The following RCAN2 variants were observed in gnomAD, a reference collection of about 807,000 sequenced individuals.
The protein encoded by RCAN2 is calcipressin-2.
A neutral mutation model predicts 23.6 loss-of-function variants in RCAN2; 9 were observed. The observed-to-expected ratio is 0.38, with a 90% confidence interval of 0.23 to 0.67. The LOEUF is 0.67. Among genes scored for constraint, RCAN2 ranks in the 30% least tolerant of loss-of-function variants. RCAN2 has a pLI of 0.51. For missense variants in RCAN2, 273 were observed against 302.3 expected (o/e 0.90, Z 0.72); for synonymous variants, 109 against 115.7 (o/e 0.94, Z 0.37).
At chr6:46,295,283 G>C (rs1582076152) in intron 2 of RCAN2, among the ~76,000 whole-genome samples, 1 of 152,136 alleles carries the variant, frequency 6.6e-6, no homozygotes, top group East Asian at 1.9e-4. Flanking sequence ...ATCTGGGCCT[G>C]AGACAGAGAC....
At chr6:46,349,980 G>A (rs898730640) in intron 2 of RCAN2, among the ~76,000 whole-genome samples, 1 of 152,124 alleles carries the variant, frequency 6.6e-6, no homozygotes, top group Non-Finnish European at 1.5e-5. Context: ...TACCTCATCT[G>A]TCCCTGGCCC....
At chr6:46,305,227 G>A (rs1382254234) in intron 2 of RCAN2, among the ~76,000 whole-genome samples, 1 of 152,106 alleles carries the variant, frequency 6.6e-6, no homozygotes, top group African/African-American at 2.4e-5. Flanking sequence ...TTAACAATCT[G>A]TGGAGAGAAA....
At chr6:46,431,512 C>T (rs1582196524) in intron 2 of RCAN2, among the ~76,000 whole-genome samples, 1 of 152,180 alleles carries the variant, frequency 6.6e-6, no homozygotes, top group African/African-American at 2.4e-5. Context: ...CACTCAACAA[C>T]GATGAATACT....
chr6:46,348,966 C>T (rs1391108140), intron 2 of RCAN2, among the ~76,000 whole-genome samples: 6 of 152,050 alleles, frequency 3.9e-5, no homozygotes, highest in African/African-American at 1.2e-4. Flanking sequence ...TTAAGTATAT[C>T]GATACTACAT....
intron 1 of RCAN2, among the ~76,000 whole-genome samples, chr6:46,479,818 T>C (rs773830079): frequency 3.9e-5 from 6 of 152,152 alleles, no homozygotes; most frequent in Non-Finnish European, 1.5e-5. Flanking sequence ...CCTAACCTCA[T>C]GATCTGCCCA....
At chr6:46,304,840 A>G (rs1763013918) in intron 2 of RCAN2, among the ~76,000 whole-genome samples, 2 of 152,170 alleles carry the variant, frequency 1.3e-5, no homozygotes, top group African/African-American at 4.8e-5. Flanking sequence ...CGTTAAAGAC[A>G]GTATTTAACA....
At chr6:46,443,754 G>A (rs1767620076) in intron 2 of RCAN2, among the ~76,000 whole-genome samples, 7 of 152,156 alleles carry the variant, frequency 4.6e-5, no homozygotes, top group Admixed American at 4.6e-4. Flanking sequence ...CTTGAGCATT[G>A]CTGCTGAATC....
intron 2 of RCAN2, among the ~76,000 whole-genome samples, chr6:46,455,152 T>A (rs1053617369): frequency 5.3e-5 from 8 of 152,198 alleles, no homozygotes; most frequent in Non-Finnish European, 8.8e-5. Context: ...TTTGTGATAA[T>A]CTGGTTATAA....
At chr6:46,349,699 A>G (rs944371952) in intron 2 of RCAN2, among the ~76,000 whole-genome samples, 3 of 152,130 alleles carry the variant, frequency 2.0e-5, no homozygotes, top group Non-Finnish European at 4.4e-5. Context: ...TGACTGAACC[A>G]TCAAAGAAAA....
intron 2 of RCAN2, among the ~76,000 whole-genome samples, chr6:46,410,662 T>A (rs1028592324): frequency 6.6e-6 from 1 of 152,228 alleles, no homozygotes; most frequent in Non-Finnish European, 1.5e-5. Context: ...CTAGGCGAGG[T>A]TCCAGATTAG....
chr6:46,224,964 G>C (rs1765609375), intron 4 of RCAN2, among the ~76,000 whole-genome samples: 1 of 148,004 alleles, frequency 6.8e-6, no homozygotes, highest in Non-Finnish European at 1.5e-5. Flanking sequence ...CCCAGTGTGT[G>C]ATGTTCCCCA....
intron 2 of RCAN2, among the ~76,000 whole-genome samples, chr6:46,326,361 G>A (rs1403395683): frequency 2.6e-5 from 4 of 152,154 alleles, no homozygotes; most frequent in Admixed American, 6.5e-5. Context: ...AGGGTCTAAC[G>A]GGCAAACTCA....
At chr6:46,232,959 GA>G (rs1765952410) in intron 4 of RCAN2, among the ~76,000 whole-genome samples, 2 of 152,138 alleles carry the variant, frequency 1.3e-5, no homozygotes. Flanking sequence ...GTGGCCCCAT[GA>G]GGATACTGGC....
At chr6:46,472,120 C>T (rs1326885051) in intron 1 of RCAN2, among the ~76,000 whole-genome samples, 1 of 152,158 alleles carries the variant, frequency 6.6e-6, no homozygotes, top group Non-Finnish European at 1.5e-5. Context: ...GAGTATTTTT[C>T]CCACAACAAC....
chr6:46,487,464 T>A (rs1467582863), intron 1 of RCAN2, among the ~76,000 whole-genome samples: 4 of 152,200 alleles, frequency 2.6e-5, no homozygotes, highest in Non-Finnish European at 5.9e-5. Context: ...CCTTTCTACA[T>A]GTCGTTTACC....
At chr6:46,275,313 T>C (rs1447925967) in intron 2 of RCAN2, among the ~76,000 whole-genome samples, 1 of 152,226 alleles carries the variant, frequency 6.6e-6, no homozygotes, top group East Asian at 1.9e-4. Flanking sequence ...TTACAGTAGA[T>C]ATTATTTTTG....
chr6:46,406,571 T>C (rs1766412973), intron 2 of RCAN2, among the ~76,000 whole-genome samples: 3 of 152,234 alleles, frequency 2.0e-5, no homozygotes, highest in Admixed American at 6.5e-5. Flanking sequence ...TATTTGAATT[T>C]TAGGGCAATT....
At chr6:46,457,407 A>T (rs1422269207) in intron 1 of RCAN2, among the ~76,000 whole-genome samples, 1 of 152,212 alleles carries the variant, frequency 6.6e-6, no homozygotes, top group Non-Finnish European at 1.5e-5. Context: ...TCCCCAATTT[A>T]CAGATGGGAA....
chr6:46,419,848 T>C (rs1243975082), intron 2 of RCAN2, among the ~76,000 whole-genome samples: 5 of 152,170 alleles, frequency 3.3e-5, no homozygotes, highest in African/African-American at 9.7e-5. Context: ...GCTGGTTCAT[T>C]TATTCTTCGT....
Sources: gnomAD v4.1 joint callset for allele counts (sites outside exome capture counted in the v4.1 genomes callset) on GRCh38, gnomAD v4.1.1 for gene constraint, MANE v1.5 for transcripts, NCBI Gene and HGNC (gene_info 2026-07-23, HGNC 2026-07-21) for gene names.